AR: variants seen among roughly 807,000 people sequenced by gnomAD.
AR encodes dihydrotestosterone receptor.
In AR, 8 loss-of-function variants were observed where a neutral mutation model predicts 53.9. That is an observed-to-expected ratio of 0.15 (90% CI 0.09 to 0.27). The LOEUF (loss-of-function observed/expected upper bound fraction) is 0.27. Ranked by LOEUF, AR falls within the 10% of genes least tolerant of loss-of-function variation. AR has a pLI of 1.00. For synonymous variants in AR, 359 were observed against 316.4 expected, an observed-to-expected ratio of 1.13 and a Z score of -1.43; for missense variants, 639 against 742.5, an observed-to-expected ratio of 0.86 and a Z score of 1.62.
At chrX:67,592,434 T>C (rs1297831131) in intron 1 of AR, among the ~76,000 whole-genome samples, 3 of 111,730 alleles carry the variant, frequency 2.7e-5, no homozygotes, top group African/African-American at 6.5e-5. Context: ...ATTTAAAATA[T>C]GATTTGATTA....
intron 2 of AR, among the ~76,000 whole-genome samples, chrX:67,661,425 C>T (rs757476626): frequency 4.5e-5 from 5 of 110,664 alleles, no homozygotes; most frequent in African/African-American, 1.3e-4. Flanking sequence ...TAGCATGAAG[C>T]GCTGTTGAAT....
Position 67,601,555 on chromosome X carries a change from A to C in AR, c.1617-41701A>C, listed in dbSNP as rs765722834. Among the ~76,000 whole-genome samples the C allele has an allele frequency of 4.3e-3, 484 of 112,116 alleles. 2 individuals are homozygous for C. The highest frequency in any genetic ancestry group is 0.015 in the African/African-American group (464 of 30,893). On this transcript the variant is annotated intron_variant, in intron 1 of 7. Transcript: ENST00000374690. ...CAGACACTCAATAATGTAGTTAGTG[A>C]ATTATTTAGAAAGAGGCATTTTGAG...
intron 3 of AR, chrX:67,695,530 C>T (rs185318539): frequency 1.3e-6 from 1 of 751,923 alleles, no homozygotes; most frequent in South Asian, 6.8e-5. Context: ...CCAAGCCAGA[C>T]TCAAATATTG....
intron 1 of AR, among the ~76,000 whole-genome samples, chrX:67,592,743 A>C (rs1873603571): frequency 1.8e-5 from 2 of 109,240 alleles, no homozygotes; most frequent in South Asian, 8.0e-4. Context: ...GATTTTTGTG[A>C]TATTCTTTTC....
At chrX:67,642,510 AG>A (rs1451026044) in intron 1 of AR, among the ~76,000 whole-genome samples, 3 of 111,534 alleles carry the variant, frequency 2.7e-5, no homozygotes, top group Non-Finnish European at 5.6e-5. Flanking sequence ...GTAGCCTAAA[AG>A]ATGTCCAGAA....
chrX:67,606,209 A>G (rs961391598), intron 1 of AR, among the ~76,000 whole-genome samples: 4 of 111,538 alleles, frequency 3.6e-5, no homozygotes, highest in Admixed American at 2.9e-4. Flanking sequence ...CTATGCTAGT[A>G]CATTGAGTTT....
At chrX:67,698,891 A>G (rs1272786140) in intron 3 of AR, among the ~76,000 whole-genome samples, 3 of 111,712 alleles carry the variant, frequency 2.7e-5, no homozygotes, top group South Asian at 3.8e-4. Context: ...TGGAGGGTTC[A>G]CTGTGTCCCA....
At chrX:67,602,408 C>A (rs1339741110) in intron 1 of AR, among the ~76,000 whole-genome samples, 2 of 111,986 alleles carry the variant, frequency 1.8e-5, no homozygotes, top group African/African-American at 6.5e-5. Context: ...AATATGATAT[C>A]ACTCCCTTGA....
chrX:67,566,406 T>C (rs1312312748), intron 1 of AR, among the ~76,000 whole-genome samples: 1 of 112,029 alleles, frequency 8.9e-6, no homozygotes, highest in African/African-American at 3.2e-5. Context: ...TCAGTGACTA[T>C]GGCCATCCTA....
rs145006310 is a variant in AR at position 67,697,152 on chromosome X, C to T, written c.1885+11026C>T. Among the ~76,000 whole-genome samples the T allele has an allele frequency of 8.0e-5, 9 of 112,005 alleles. 1 individual carries two copies. The East Asian group carries it at 2.5e-3, about 31-fold the overall frequency. ...GAAGTGGGGTGCTTGGAGCCACATG[C>T]TCAGGCCCACTTTGCCCCCTCTCAG... On this transcript the variant is annotated intron_variant, in intron 3 of 7. Coordinates refer to ENST00000374690, the MANE Select transcript of AR (RefSeq NM_000044.6).
chrX:67,709,010 C>G (rs745910012), intron 3 of AR, among the ~76,000 whole-genome samples: 36 of 111,732 alleles, frequency 3.2e-4, no homozygotes, highest in Admixed American at 6.6e-4. Context: ...AGTTTCGTCT[C>G]AGAGGGGTAC....
chrX:67,643,272 G>C lies in AR; in HGVS notation c.1633G>C (p.Asp545His), dbSNP rs2147435867. Residue 545 changes from aspartate to histidine, a missense_variant, in exon 2 of 8, where the codon GAC (aspartate) becomes CAC (histidine). Physicochemically the swap from Asp to His is moderately conservative, Grantham distance 81. Coordinates refer to ENST00000374690, the MANE Select transcript of AR (RefSeq NM_000044.6). ...YGDMRLETAR[D>H]HVLPIDYYFP... ...TCTTTCCAGTTTGGAGACTGCCAGGGACCATGTTTTGCCCATTGACTATTA... is the reference window on the plus strand; with the variant it reads ...TCTTTCCAGTTTGGAGACTGCCAGGCACCATGTTTTGCCCATTGACTATTA... 1 of 1,211,410 alleles carries C rather than the reference G, an allele frequency of 8.3e-7. No homozygotes were observed. Among genetic ancestry groups the C allele is most frequent in the Non-Finnish European group, 1.1e-6 (1 of 895,320 alleles).
chrX:67,654,202 T>C (rs893868999), intron 2 of AR, among the ~76,000 whole-genome samples: 1 of 111,405 alleles, frequency 9.0e-6, no homozygotes, highest in African/African-American at 3.3e-5. Flanking sequence ...CTAAATGATG[T>C]GTAATAAAGC....
chrX:67,621,820 C>A (rs770990583), intron 1 of AR, among the ~76,000 whole-genome samples: 43 of 111,698 alleles, frequency 3.8e-4, no homozygotes, highest in African/African-American at 1.4e-3. Context: ...GTTCAATGTG[C>A]AGCCAAGGGT....
At chrX:67,584,540 T>G (rs1210514326) in intron 1 of AR, among the ~76,000 whole-genome samples, 1 of 111,916 alleles carries the variant, frequency 8.9e-6, no homozygotes, top group East Asian at 2.8e-4. Context: ...TATAAGAATT[T>G]GAGTAATTAT....
At chrX:67,664,994 A>T (rs1223078378) in intron 2 of AR, among the ~76,000 whole-genome samples, 1 of 112,369 alleles carries the variant, frequency 8.9e-6, no homozygotes, top group Non-Finnish European at 1.9e-5. Context: ...GAGTGACCCG[A>T]TTTTCCAGGT....
intron 2 of AR, among the ~76,000 whole-genome samples, chrX:67,661,292 A>G (rs1200235278): frequency 9.0e-6 from 1 of 110,637 alleles, no homozygotes; most frequent in Non-Finnish European, 1.9e-5. Context: ...GTCTTGTGCC[A>G]GTTTTCAAAG....
chrX:67,674,624 C>T (rs775684931), intron 2 of AR, among the ~76,000 whole-genome samples: 1 of 111,795 alleles, frequency 8.9e-6, no homozygotes, highest in African/African-American at 3.2e-5. Flanking sequence ...CACCAATCTT[C>T]ACTCAAGGCC....
chrX:67,710,317 G>A (rs1453967993), intron 3 of AR, among the ~76,000 whole-genome samples: 1 of 110,880 alleles, frequency 9.0e-6, no homozygotes, highest in Non-Finnish European at 1.9e-5. Flanking sequence ...TACAAACTTA[G>A]CTTTTATTTT....
Sources: allele counts gnomAD v4.1 joint callset (sites outside exome capture counted in the v4.1 genomes callset), GRCh38; gene constraint gnomAD v4.1.1; transcripts MANE v1.5; gene names NCBI Gene and HGNC (gene_info 2026-07-23, HGNC 2026-07-21).